The following MC4R variants were observed in gnomAD, a reference collection of about 807,000 sequenced individuals.
MC4R encodes melanocortin receptor 4.
MC4R carries 15 observed loss-of-function variants against 16.1 expected under a neutral mutation model. The ratio of observed to expected loss-of-function variants is 0.93; its 90% CI spans 0.62 to 1.44. The LOEUF (loss-of-function observed/expected upper bound fraction) is 1.44. Ranked by LOEUF, MC4R falls within the 40% of genes most tolerant of loss-of-function variation. The pLI is 0.00. For synonymous variants in MC4R, 162 were observed against 151.7 expected (o/e 1.07, Z -0.50); for missense variants, 416 against 411.4 (o/e 1.01, Z -0.10).
chr18:60,372,501 C>G lies in MC4R; in HGVS notation c.-152G>C. On this transcript the variant is annotated 5_prime_UTR_variant, in exon 1 of 1. Coordinates refer to ENST00000299766, the MANE Select transcript of MC4R (RefSeq NM_005912.3). Reference sequence around the variant, plus strand: ...GTGAGTAAATGTCACAAGTCCAGAGCTTGACATGGAGTTTTTAGTCTCTTT... The same window carrying G: ...GTGAGTAAATGTCACAAGTCCAGAGGTTGACATGGAGTTTTTAGTCTCTTT... 3 of 781,122 alleles carry G rather than the reference C, an allele frequency of 3.8e-6. No homozygotes were observed. The South Asian group carries it at 4.5e-5, about 12-fold the overall frequency. The allele number at this position is 781,122 out of a possible 1,614,324, so 48.4% of individuals were successfully genotyped here.
At position 60,371,771 on chromosome 18, in the gene MC4R, G is replaced by A. The variant is rs1915347135; in HGVS notation, c.579C>T (p.Val193=). ...AGAACATGGTGATGAGGCAGATGAT[G>A]ACAGCACTACTATCTGAGTAAATGA... ...LFIIYSDSSA[V]IICLITMFFT... The change falls in exon 1 of 1, where the codon GTC becomes GTT. Residue 193 remains valine, a synonymous_variant. Coordinates refer to ENST00000299766, the MANE Select transcript of MC4R (RefSeq NM_005912.3). 4.3e-6 allele frequency: 7 copies of A among 1,614,076 alleles called. No individual in the cohort carries two copies. The highest frequency in any genetic ancestry group is 1.7e-5 in the Admixed American group (1 of 60,008).
chr18:60,371,923 T>C lies in MC4R; in HGVS notation c.427A>G (p.Ile143Val), dbSNP rs752298997. Residue 143 changes from isoleucine (I) to valine (V), a missense_variant, in exon 1 of 1, where the codon ATT becomes GTT. Transcript: ENST00000299766. ...LLASICSLLS[I>V]AVDRYFTIFY... Reference sequence around the variant, plus strand: ...ATAGTAAAGTACCTGTCCACTGCAATTGAAAGCAGGCTGCAAATGGATGCA... The same window carrying C: ...ATAGTAAAGTACCTGTCCACTGCAACTGAAAGCAGGCTGCAAATGGATGCA... 1.9e-6 allele frequency: 3 copies of C among 1,614,156 alleles called. No individual in the cohort carries two copies. The South Asian group carries it at 3.3e-5, about 18-fold the overall frequency.
chr18:60,372,068 G>A lies in MC4R; in HGVS notation c.282C>T (p.Ser94=), dbSNP rs13447327. The part of the protein sequence containing the change: ...CSLAVADMLV[S]VSNGSETIVI... The stretch of plus-strand genomic sequence containing the variant: ...CAATGGTTTCTGATCCATTTGAAAC[G>A]CTCACCAGCATATCAGCCACAGCCA... Residue 94 remains serine, a synonymous_variant, in exon 1 of 1, where the codon AGC becomes AGT. Transcript: ENST00000299766. 104 of 1,614,014 alleles carry A rather than the reference G, an allele frequency of 6.4e-5. No homozygotes were observed. Among genetic ancestry groups the A allele is most frequent in the Non-Finnish European group, 8.2e-5 (97 of 1,180,024 alleles).
rs1221641075 is a variant in MC4R at position 60,372,127 on chromosome 18, G to C, written c.223C>G (p.Leu75Val). ...ATGAAAAAGTACATGGGTGAATGCA[G>C]ATTCTTGTTCTTGGCTATTGCCACA... Reference protein sequence around the residue: ...VIVAIAKNKNLHSPMYFFICS... With the variant: ...VIVAIAKNKNVHSPMYFFICS... Residue 75 changes from leucine (L) to valine (V), a missense_variant, in exon 1 of 1, where the codon CTG becomes GTG. By Grantham distance (32) the Leu-to-Val change is conservative. Coordinates refer to ENST00000299766, the MANE Select transcript of MC4R (RefSeq NM_005912.3). 1 of 1,614,246 alleles carries C rather than the reference G, an allele frequency of 6.2e-7. No homozygotes were observed. Among genetic ancestry groups the C allele is most frequent in the African/African-American group, 1.3e-5 (1 of 75,082 alleles).
In MC4R at chr18:60,371,714, A is replaced by G. The variant is rs141742759; in HGVS notation, c.636T>C (p.Tyr212=). 1.2e-5 allele frequency: 20 copies of G among 1,614,230 alleles called. No homozygotes were observed. In the African/African-American group the frequency reaches 2.5e-4, roughly 20 times the overall value. ...GCCTGGCCATCAGGAACATGTGGAC[A>G]TAGAGAGAAGCCATGAGAGCCAGCA... is the stretch of plus-strand genomic sequence containing the variant. ...FTMLALMASL[Y]VHMFLMARLH... is the part of the protein sequence containing the mutation. The change falls in exon 1 of 1, where the codon TAT becomes TAC. Residue 212 remains tyrosine, a synonymous_variant. Transcript: ENST00000299766.
chr18:60,372,220 G>C lies in MC4R; in HGVS notation c.130C>G (p.Leu44Val). 1 of 1,614,222 alleles carries C rather than the reference G, an allele frequency of 6.2e-7. No individual in the cohort carries two copies. ...GYSDGGCYEQ[L>V]FVSPEVFVTL... is the part of the protein sequence containing the mutation. ...ACAAACACCTCAGGAGAGACAAAAA[G>C]TTGCTCGTAGCACCCTCCATCAGAG... Residue 44 changes from leucine (L) to valine (V), a missense_variant, in exon 1 of 1, where the codon CTT becomes GTT. Physicochemically the swap from Leu to Val is conservative, Grantham distance 32. Transcript: ENST00000299766.
In MC4R at chr18:60,372,324, A is replaced by G; in HGVS notation, c.26T>C (p.Met9Thr). ...GTTCCAGAGGTGCAGAGAAGTGTGC[A>G]TCCCACGGTGGGTGGAGTTCACCAT... MVNSTHRG[M>T]HTSLHLWNRS... Residue 9 changes from methionine (M) to threonine (T), a missense_variant, in exon 1 of 1, where the codon ATG (methionine) becomes ACG (threonine). Coordinates refer to ENST00000299766, the MANE Select transcript of MC4R (RefSeq NM_005912.3). 1 of 1,614,186 alleles carries G rather than the reference A, an allele frequency of 6.2e-7. No individual in the cohort carries two copies. The highest frequency in any genetic ancestry group is 8.5e-7 in the Non-Finnish European group (1 of 1,180,020).
Position 60,371,996 on chromosome 18 carries a change from T to G in MC4R, c.354A>C (p.Thr118=). 3 of 1,614,198 alleles carry G rather than the reference T, an allele frequency of 1.9e-6. No individual in the cohort carries two copies. The highest frequency in any genetic ancestry group is 2.5e-6 in the Non-Finnish European group (3 of 1,180,028). ...NSTDTDAQSF[T]VNIDNVIDSV... is the part of the protein sequence containing the mutation. The stretch of plus-strand genomic sequence containing the variant: ...AGTCAATGACATTATCAATATTCAC[T>G]GTGAAACTCTGTGCATCCGTATCTG... The change falls in exon 1 of 1, where the codon ACA becomes ACC. Residue 118 remains threonine (T), a synonymous_variant. Transcript: ENST00000299766.
At position 60,372,523 on chromosome 18, in the gene MC4R, C is replaced by T; in HGVS notation, c.-174G>A. ...GAGCTTGACATGGAGTTTTTAGTCT[C>T]TTTTAGGTACGACTCTAATCATCAT... On this transcript the variant is annotated 5_prime_UTR_variant, in exon 1 of 1. Coordinates refer to ENST00000299766, the MANE Select transcript of MC4R (RefSeq NM_005912.3). 1.5e-6 allele frequency: 1 copy of T among 684,974 alleles called. No individual in the cohort carries two copies. The highest frequency in any genetic ancestry group is 2.6e-6 in the Non-Finnish European group (1 of 380,002). 42.4% of individuals were successfully genotyped at this position (684,974 alleles called of 1,614,324 possible).
In MC4R at chr18:60,371,320, C is replaced by A; in HGVS notation, c.*31G>T. The A allele has an allele frequency of 6.2e-7, 1 of 1,612,102 alleles. No individual in the cohort carries two copies. The highest frequency in any genetic ancestry group is 1.1e-5 in the South Asian group (1 of 90,928). ...GGTAAGAGTGAAAAAGTCTCTTATG[C>A]ATGTTCCTATATTGCGTGCTCTGTC... On this transcript the variant is annotated 3_prime_UTR_variant, in exon 1 of 1. Transcript: ENST00000299766.
In MC4R at chr18:60,371,872, T is replaced by C; in HGVS notation, c.478A>G (p.Ile160Val). The C allele has an allele frequency of 1.2e-6, 2 of 1,614,176 alleles. No homozygotes were observed. Among genetic ancestry groups the C allele is most frequent in the African/African-American group, 2.7e-5 (2 of 75,038 alleles). ...ATCCCAACCCGCTTAACTGTCATAA[T>C]GTTATGGTACTGGAGAGCATAGAAG... The part of the protein sequence containing the change: ...TIFYALQYHN[I>V]MTVKRVGIII... Residue 160 changes from isoleucine to valine, a missense_variant, in exon 1 of 1, where the codon ATT (isoleucine) becomes GTT (valine). Physicochemically the swap from Ile to Val is conservative, Grantham distance 29 (BLOSUM62 3). Transcript: ENST00000299766.
In MC4R at chr18:60,371,242, C is replaced by T; in HGVS notation, c.*109G>A. 1.7e-6 allele frequency: 2 copies of T among 1,151,824 alleles called. No individual in the cohort carries two copies. Among genetic ancestry groups the T allele is most frequent in the Non-Finnish European group, 2.6e-6 (2 of 769,994 alleles). 71.4% of individuals were successfully genotyped at this position (1,151,824 alleles called of 1,614,324 possible). The stretch of plus-strand genomic sequence containing the variant: ...AAATTTACACAATGGATATTCTCAA[C>T]CAGTACCCTACACGGAAGAGAAAGC... On this transcript the variant is annotated 3_prime_UTR_variant, in exon 1 of 1. Transcript: ENST00000299766.
At position 60,371,409 on chromosome 18, in the gene MC4R, T is replaced by G. The variant is rs1257532305; in HGVS notation, c.941A>C (p.Lys314Thr). ...LRSQELRKTF[K>T]EIICCYPLGG... ...CAGGGGATAGCAACAGATGATCTCT[T>G]TGAAGGTTTTCCTCAGTTCTTGACT... Residue 314 changes from lysine (K) to threonine (T), a missense_variant, in exon 1 of 1, where the codon AAA becomes ACA. Transcript: ENST00000299766. The G allele has an allele frequency of 6.2e-7, 1 of 1,614,214 alleles. No individual in the cohort carries two copies. Among genetic ancestry groups the G allele is most frequent in the Admixed American group, 1.7e-5 (1 of 60,028 alleles).
chr18:60,372,619 C>T lies in MC4R; in HGVS notation c.-270G>A. The T allele has an allele frequency of 1.9e-6, 1 of 520,106 alleles. No homozygotes were observed. The highest frequency in any genetic ancestry group is 3.6e-6 in the Non-Finnish European group (1 of 278,346). 32.2% of individuals were successfully genotyped at this position (520,106 alleles called of 1,614,324 possible). A position where few individuals can be genotyped will look rare whatever the true frequency, so the allele number is the denominator to read the frequency against. ...AGTCTGCTCTTTGCTTTCTTGTTCT[C>T]ACTTCTGCTTTAACTTTAATCTTAT... On this transcript the variant is annotated 5_prime_UTR_variant, in exon 1 of 1. An upstream open reading frame in the 5' UTR loses its in-frame stop. Coordinates refer to ENST00000299766, the MANE Select transcript of MC4R (RefSeq NM_005912.3).
Position 60,371,716 on chromosome 18 carries a change from A to G in MC4R, c.634T>C (p.Tyr212His). ...FTMLALMASL[Y>H]VHMFLMARLH... ...CTGGCCATCAGGAACATGTGGACAT[A>G]GAGAGAAGCCATGAGAGCCAGCATG... is the stretch of plus-strand genomic sequence containing the variant. The change falls in exon 1 of 1, where the codon TAT becomes CAT. Residue 212 changes from tyrosine to histidine, a missense_variant. Tyr to His is a moderately conservative substitution (Grantham distance 83). Transcript: ENST00000299766. The G allele has an allele frequency of 6.2e-7, 1 of 1,614,192 alleles. No homozygotes were observed. The highest frequency in any genetic ancestry group is 1.1e-5 in the South Asian group (1 of 91,072).
In MC4R at chr18:60,372,425, C is replaced by G. The variant is rs1915370740; in HGVS notation, c.-76G>C. The G allele has an allele frequency of 2.0e-6, 3 of 1,517,706 alleles. No homozygotes were observed. Among genetic ancestry groups the G allele is most frequent in the Admixed American group, 3.6e-5 (2 of 54,928 alleles). 94.0% of individuals were successfully genotyped at this position (1,517,706 alleles called of 1,614,324 possible). The stretch of plus-strand genomic sequence containing the variant: ...CAGGGAGTCGTCTCAGTTATTTCCT[C>G]CAAGTCTTTATCTGTCTGAAAGTTG... On this transcript the variant is annotated 5_prime_UTR_variant, in exon 1 of 1. Coordinates refer to ENST00000299766, the MANE Select transcript of MC4R (RefSeq NM_005912.3).
rs776520178 is a variant in MC4R, at chr18:60,372,207, G to A, written c.143C>T (p.Pro48Leu). The A allele has an allele frequency of 2.5e-6, 4 of 1,614,212 alleles. No individual in the cohort carries two copies. The highest frequency in any genetic ancestry group is 3.4e-6 in the Non-Finnish European group (4 of 1,180,034). ...GGCYEQLFVS[P>L]EVFVTLGVIS... ...GACACCCAGAGTCACAAACACCTCA[G>A]GAGAGACAAAAAGTTGCTCGTAGCA... is the stretch of plus-strand genomic sequence containing the variant. Residue 48 changes from proline to leucine, a missense_variant, in exon 1 of 1, where the codon CCT becomes CTT. Transcript: ENST00000299766.
chr18:60,371,885 G>A lies in MC4R; in HGVS notation c.465C>T (p.Leu155=). 6.2e-7 allele frequency: 1 copy of A among 1,614,138 alleles called. No homozygotes were observed. The highest frequency in any genetic ancestry group is 8.5e-7 in the Non-Finnish European group (1 of 1,180,022). ...VDRYFTIFYA[L]QYHNIMTVKR... is the part of the protein sequence containing the mutation. ...TAACTGTCATAATGTTATGGTACTG[G>A]AGAGCATAGAAGATAGTAAAGTACC... is the stretch of plus-strand genomic sequence containing the variant. The change falls in exon 1 of 1, where the codon CTC becomes CTT. Residue 155 remains leucine (L), a synonymous_variant. Transcript: ENST00000299766.
At position 60,371,190 on chromosome 18, in the gene MC4R, T is replaced by C; in HGVS notation, c.*161A>G. The C allele has an allele frequency of 1.3e-6, 1 of 763,856 alleles. No individual in the cohort carries two copies. The highest frequency in any genetic ancestry group is 2.2e-6 in the Non-Finnish European group (1 of 463,808). 47.3% of individuals were successfully genotyped at this position (763,856 alleles called of 1,614,324 possible). On this transcript the variant is annotated 3_prime_UTR_variant, in exon 1 of 1. Coordinates refer to ENST00000299766, the MANE Select transcript of MC4R (RefSeq NM_005912.3). The stretch of plus-strand genomic sequence containing the variant: ...TTGGAAATAATACAGAGACTGGGCA[T>C]TTTTTCTCATTAAAAATCATAGGCT...
Sources: gnomAD v4.1 joint callset for allele counts on GRCh38, gnomAD v4.1.1 for gene constraint, MANE v1.5 for transcripts, NCBI Gene and HGNC (gene_info 2026-07-23, HGNC 2026-07-21) for gene names.